Variants in KRT26 observed in about 807,000 individuals in gnomAD.
The protein encoded by KRT26 is keratin 26.
Under a neutral mutation model 46.1 loss-of-function variants are expected in KRT26, and 45 were observed. The observed-to-expected ratio is 0.98, with a 90% CI of 0.77 to 1.25. The LOEUF is 1.25. Among genes scored for constraint, KRT26 ranks in the 50% most tolerant of loss-of-function variants. KRT26 has a pLI of 0.00. For synonymous variants in KRT26, 191 were observed against 209.9 expected, an observed-to-expected ratio of 0.91 and a Z score of 0.78; for missense variants, 582 against 560.1, an observed-to-expected ratio of 1.04 and a Z score of -0.39.
exon 2 of KRT26, chr17:40,771,216 G>A (rs2144148321): frequency 6.2e-7 from 1 of 1,600,614 alleles, no homozygotes; most frequent in Non-Finnish European, 8.6e-7. Flanking sequence ...TGCTGGCATT[G>A]CAGATGGTCG....
At position 40,770,424 on chromosome 17, in the gene KRT26, A is replaced by G. The variant is rs1365236654; in HGVS notation, c.525-15T>C. 1 of 1,569,754 alleles carries G rather than the reference A, an allele frequency of 6.4e-7. No individual in the cohort carries two copies. Among genetic ancestry groups the G allele is most frequent in the Non-Finnish European group, 8.6e-7 (1 of 1,160,824 alleles). ...CATTTTCATACCTGAAAGATTAGTAAGGCACCTGAGAGTTGTCATCGTAGG... is the reference window on the plus strand; with the variant it reads ...CATTTTCATACCTGAAAGATTAGTAGGGCACCTGAGAGTTGTCATCGTAGG... On this transcript the variant is annotated splice_polypyrimidine_tract_variant and intron_variant, in intron 2 of 7. Coordinates refer to ENST00000335552, the Ensembl canonical transcript of KRT26.
At position 40,769,853 on chromosome 17, in the gene KRT26, G is replaced by A. The variant is rs141060077; in HGVS notation, c.870C>T (p.Ser290=). The change falls in exon 5 of 8, where the codon TCC becomes TCT. Residue 290 remains serine, a synonymous_variant. Coordinates refer to ENST00000335552, the Ensembl canonical transcript of KRT26. ...CTGCTGTGGCTGCTCCCTCATGATC[G>A]GAAATCTGTTGTTGCAGCGTTGCAC... 24 of 1,614,018 alleles carry A rather than the reference G, an allele frequency of 1.5e-5. No individual in the cohort carries two copies. In the East Asian group the frequency reaches 3.6e-4, roughly 24 times the overall value.
exon 2 of KRT26, chr17:40,771,191 C>T: frequency 6.2e-7 from 1 of 1,608,320 alleles, no homozygotes; most frequent in Non-Finnish European, 8.5e-7. Context: ...CTGGCATTGT[C>T]ATTTTGTAGA....
At chr17:40,771,871 C>T in exon 1 of KRT26, 2 of 1,614,108 alleles carry the variant, frequency 1.2e-6, no homozygotes, top group Non-Finnish European at 1.7e-6. Context: ...CCTTTTCATT[C>T]CCAGAGAGGA....
At chr17:40,770,184 A>G in intron 3 of KRT26, 62 bp from the exon 4 acceptor site, 1 of 1,612,852 alleles carries the variant, frequency 6.2e-7, no homozygotes, top group East Asian at 2.2e-5. Context: ...ATGCCCTGCT[A>G]CGAAATGAAC....
intron 3 of KRT26, 32 bp from the exon 4 acceptor site, chr17:40,770,154 G>C: frequency 6.2e-7 from 1 of 1,613,794 alleles, no homozygotes; most frequent in Non-Finnish European, 8.5e-7. Context: ...ATCCTCAGTG[G>C]AGGATTTTGA....
At chr17:40,767,964 G>T (rs922228382) in intron 6 of KRT26, among the ~76,000 whole-genome samples, 1 of 152,188 alleles carries the variant, frequency 6.6e-6, no homozygotes, top group Non-Finnish European at 1.5e-5. Context: ...AAAAGGTGTT[G>T]CTGGGCTAGG....
chr17:40,767,034 CT>C (rs1466776522), intron 7 of KRT26, among the ~76,000 whole-genome samples: 1 of 152,178 alleles, frequency 6.6e-6, no homozygotes, highest in Non-Finnish European at 1.5e-5. Context: ...GCCACTGCAC[CT>C]TTTAAAAAAT....
chr17:40,766,432 A>T, exon 8 of KRT26: 1 of 1,154,994 alleles, frequency 8.7e-7, no homozygotes, highest in South Asian at 1.6e-5. Context: ...TTTGACCAGT[A>T]GGATTTTTGC....
exon 8 of KRT26, chr17:40,766,306 G>C (rs906732171): frequency 2.6e-6 from 1 of 383,856 alleles, no homozygotes; most frequent in East Asian, 3.9e-5. Flanking sequence ...ATTAGGGACA[G>C]AGCAGGATTT....
rs1464618827 is a variant in KRT26, at chr17:40,769,734, C to A, written c.969+20G>T. ...TACATATTCACACATATATTCAATT[C>A]AATGGCGATTCCTACGTACCACAGC... On this transcript the variant is annotated intron_variant, in intron 5 of 7. Coordinates refer to ENST00000335552, the Ensembl canonical transcript of KRT26. 1 of 1,613,712 alleles carries A rather than the reference C, an allele frequency of 6.2e-7. No individual in the cohort carries two copies. Among genetic ancestry groups the A allele is most frequent in the African/African-American group, 1.3e-5 (1 of 74,978 alleles).
chr17:40,769,323 A>G (rs1340219571), intron 5 of KRT26, among the ~76,000 whole-genome samples: 2 of 151,898 alleles, frequency 1.3e-5, no homozygotes, highest in Non-Finnish European at 2.9e-5. Flanking sequence ...CACCCAGCTA[A>G]TTTTTATATT....
At chr17:40,767,680 AT>A (rs5820359) in intron 6 of KRT26, 27 bp from the exon 7 acceptor site, 172,984 of 1,365,492 alleles carry the variant, frequency 0.13, 13,500 homozygotes, top group Admixed American at 0.32. Flanking sequence ...AAATTATTGC[AT>A]TTTTTTTTCT....
rs750762804 is a variant in KRT26, at chr17:40,769,956, C to A, written c.843+5G>T. ...CAAGCCCTTTGTAATTTGCCATAGA[C>A]CTACCCTCTCGTTGAACCAGGCTTC... On this transcript the variant is annotated splice_donor_5th_base_variant and intron_variant, in intron 4 of 7. Transcript: ENST00000335552. The A allele has an allele frequency of 1.2e-6, 2 of 1,614,038 alleles. No homozygotes were observed. Among genetic ancestry groups the A allele is most frequent in the East Asian group, 2.2e-5 (1 of 44,896 alleles).
At chr17:40,771,577 T>G in intron 1 of KRT26, 96 bp downstream of exon 1, 1 of 1,068,818 alleles carries the variant, frequency 9.4e-7, no homozygotes. Flanking sequence ...AAATCTTACA[T>G]CACATAAATT....
intron 7 of KRT26, 107 bp from the exon 8 acceptor site, chr17:40,766,773 T>A: frequency 1.3e-6 from 1 of 745,400 alleles, no homozygotes; most frequent in Non-Finnish European, 2.2e-6. Context: ...GGAGTCTCGC[T>A]CTGTCACCCA....
chr17:40,769,207 G>A (rs1207365431), intron 5 of KRT26, 111 bp from the exon 6 acceptor site: 2 of 664,064 alleles, frequency 3.0e-6, no homozygotes, highest in Non-Finnish European at 5.0e-6. Context: ...CACCCAGGCT[G>A]AGTGCAGTGG....
chr17:40,767,250 G>C (rs575939670), intron 7 of KRT26, among the ~76,000 whole-genome samples: 1 of 152,270 alleles, frequency 6.6e-6, no homozygotes, highest in African/African-American at 2.4e-5. Flanking sequence ...AAGTAATGTT[G>C]TCTTCTTTTA....
exon 6 of KRT26, chr17:40,769,072 C>G (rs2038195595): frequency 6.2e-7 from 1 of 1,613,284 alleles, no homozygotes; most frequent in Non-Finnish European, 8.5e-7. Flanking sequence ...TCAGTCTCAG[C>G]CAAGGAGCAT....
Sources: allele counts gnomAD v4.1 joint callset (sites outside exome capture counted in the v4.1 genomes callset), GRCh38; gene constraint gnomAD v4.1.1; transcripts MANE v1.5; gene names NCBI Gene and HGNC (gene_info 2026-07-23, HGNC 2026-07-21).